Variants in CDK13 observed in about 807,000 individuals in gnomAD.
CDK13 encodes the protein cyclin-dependent kinase 13.
A neutral mutation model predicts 137.6 loss-of-function variants in CDK13; 40 were observed. The observed-to-expected ratio is 0.29, with a 90% confidence interval of 0.23 to 0.38. The LOEUF (loss-of-function observed/expected upper bound fraction) is 0.38, where lower values mean the gene tolerates loss of function less well. Among genes scored for constraint, CDK13 ranks in the 10% least tolerant of loss-of-function variants. CDK13 has a pLI of 1.00. For synonymous variants in CDK13, 869 were observed against 760.1 expected (o/e 1.14, Z -2.36); for missense variants, 1,704 against 1,951.8 (o/e 0.87, Z 2.39).
At chr7:40,023,601 G>C (rs894762370) in intron 5 of CDK13, among the ~76,000 whole-genome samples, 3 of 151,720 alleles carry the variant, frequency 2.0e-5, no homozygotes, top group African/African-American at 7.3e-5. Context: ...CTGGGTTCAC[G>C]CCATTCTCCT....
chr7:40,057,215 A>G (rs1368763135), intron 7 of CDK13, among the ~76,000 whole-genome samples: 1 of 152,210 alleles, frequency 6.6e-6, no homozygotes, highest in Admixed American at 6.5e-5. Context: ...AGATCACGCC[A>G]CTGCACTCCA....
At chr7:40,086,509 G>A (rs1786790630) in intron 11 of CDK13, among the ~76,000 whole-genome samples, 1 of 152,134 alleles carries the variant, frequency 6.6e-6, no homozygotes, top group African/African-American at 2.4e-5. Flanking sequence ...CTTAATTAGG[G>A]TAAGAAGAAA....
intron 1 of CDK13, among the ~76,000 whole-genome samples, chr7:39,955,510 AT>A (rs1304523722): frequency 3.3e-5 from 5 of 152,112 alleles, no homozygotes; most frequent in South Asian, 2.1e-4. Flanking sequence ...CTTTATTGAA[AT>A]TTAGTTGGCA....
intron 7 of CDK13, among the ~76,000 whole-genome samples, chr7:40,052,991 A>G (rs1458736044): frequency 6.6e-6 from 1 of 152,182 alleles, no homozygotes; most frequent in Non-Finnish European, 1.5e-5. Context: ...GATGAATGAC[A>G]ATAAATAATA....
chr7:40,014,192 C>T (rs1209316664), intron 5 of CDK13, among the ~76,000 whole-genome samples: 2 of 151,034 alleles, frequency 1.3e-5, no homozygotes, highest in Non-Finnish European at 2.9e-5. Context: ...CCTCAGCCTC[C>T]TGAGTAGCTG....
chr7:39,990,693 T>G (rs1784438368), intron 2 of CDK13, among the ~76,000 whole-genome samples: 1 of 152,196 alleles, frequency 6.6e-6, no homozygotes, highest in South Asian at 2.1e-4. Context: ...GTTGTACCTC[T>G]TACTACTCTC....
At chr7:40,052,297 C>G (rs1785909280) in intron 7 of CDK13, among the ~76,000 whole-genome samples, 1 of 152,104 alleles carries the variant, frequency 6.6e-6, no homozygotes, top group Admixed American at 6.5e-5. Context: ...CTGCCTCAGC[C>G]TCCTGAGTAG....
At chr7:40,043,620 C>A (rs969955644) in intron 5 of CDK13, among the ~76,000 whole-genome samples, 6 of 151,988 alleles carry the variant, frequency 3.9e-5, no homozygotes, top group Admixed American at 3.3e-4. Context: ...GAATTCAAGA[C>A]TAACCTGGGT....
intron 5 of CDK13, among the ~76,000 whole-genome samples, chr7:40,013,518 T>C (rs1216271006): frequency 6.6e-6 from 1 of 152,240 alleles, no homozygotes; most frequent in South Asian, 2.1e-4. Context: ...CAACAGACTA[T>C]GTATTATATG....
In CDK13 at chr7:40,093,116, G is replaced by C; in HGVS notation, c.3567G>C (p.Gln1189His). 6.2e-7 allele frequency: 1 copy of C among 1,614,182 alleles called. No homozygotes were observed. Among genetic ancestry groups the C allele is most frequent in the South Asian group, 1.1e-5 (1 of 91,092 alleles). ...VQSAFAVLLTQLIKAQQSKQK... is the reference protein window; with the variant it reads ...VQSAFAVLLTHLIKAQQSKQK... Reference sequence around the variant, plus strand: ...GTGCATTTGCAGTTCTGTTGACTCAGTTAATAAAGGCTCAGCAGTCAAAGC... The same window carrying C: ...GTGCATTTGCAGTTCTGTTGACTCACTTAATAAAGGCTCAGCAGTCAAAGC... Residue 1189 changes from glutamine to histidine, a missense_variant, in exon 13 of 14, where the codon CAG (glutamine) becomes CAC (histidine). Physicochemically the swap from Gln to His is conservative, Grantham distance 24. This residue lies in a region of CDK13 where 475 missense variants were observed against 579.3 expected (regional missense o/e 0.82). Coordinates refer to ENST00000181839, the MANE Select transcript of CDK13 (RefSeq NM_003718.5).
chr7:40,042,360 C>T (rs995608477), intron 5 of CDK13, among the ~76,000 whole-genome samples: 5 of 150,600 alleles, frequency 3.3e-5, no homozygotes, highest in African/African-American at 7.3e-5. Context: ...GGATAACAGT[C>T]GTGAGCCACC....
At chr7:39,965,571 A>G (rs567043915) in intron 1 of CDK13, among the ~76,000 whole-genome samples, 1 of 152,206 alleles carries the variant, frequency 6.6e-6, no homozygotes, top group Non-Finnish European at 1.5e-5. Context: ...CTCTTTATCC[A>G]ATTTGCCCAT....
At chr7:40,085,381 A>G (rs1299643406) in intron 11 of CDK13, among the ~76,000 whole-genome samples, 1 of 151,086 alleles carries the variant, frequency 6.6e-6, no homozygotes, top group Non-Finnish European at 1.5e-5. Flanking sequence ...AAAAAAAAAA[A>G]GGAAAGAAAA....
At chr7:40,001,275 T>A (rs909671134) in intron 4 of CDK13, among the ~76,000 whole-genome samples, 1 of 150,538 alleles carries the variant, frequency 6.6e-6, no homozygotes, top group Admixed American at 6.7e-5. Flanking sequence ...GAGTGCAGAG[T>A]GCAGTGGCGT....
intron 9 of CDK13, among the ~76,000 whole-genome samples, chr7:40,074,685 T>C (rs1323030269): frequency 6.6e-6 from 1 of 151,076 alleles, no homozygotes; most frequent in Non-Finnish European, 1.5e-5. Flanking sequence ...ATTAGATGGA[T>C]GTAGTGGCAT....
At chr7:40,087,332 AG>A (rs1392981394) in intron 11 of CDK13, among the ~76,000 whole-genome samples, 3 of 151,912 alleles carry the variant, frequency 2.0e-5, no homozygotes, top group Non-Finnish European at 4.4e-5. Flanking sequence ...TGGCAAAGAC[AG>A]GGTTTTGCCA....
chr7:39,960,458 C>T (rs1299625848), intron 1 of CDK13, among the ~76,000 whole-genome samples: 1 of 152,044 alleles, frequency 6.6e-6, no homozygotes, highest in Non-Finnish European at 1.5e-5. Flanking sequence ...GGGGTTTCAT[C>T]ATTTTACCCA....
chr7:39,977,275 A>G (rs191885509), intron 1 of CDK13, among the ~76,000 whole-genome samples: 237 of 152,340 alleles, frequency 1.6e-3, no homozygotes, highest in African/African-American at 5.6e-3. Context: ...CAGACAAATT[A>G]TGCAGTACCT....
At chr7:40,037,603 C>T (rs916318719) in intron 5 of CDK13, among the ~76,000 whole-genome samples, 10 of 152,162 alleles carry the variant, frequency 6.6e-5, no homozygotes, top group Non-Finnish European at 1.2e-4. Context: ...ATCACTGTGG[C>T]GTGGCATGGA....
Sources: allele counts gnomAD v4.1 joint callset (sites outside exome capture counted in the v4.1 genomes callset), GRCh38; gene constraint gnomAD v4.1.1; regional missense constraint gnomAD v4.1.1; transcripts MANE v1.5; gene names NCBI Gene and HGNC (gene_info 2026-07-23, HGNC 2026-07-21).